Variants in NLGN1 observed in about 807,000 individuals in gnomAD.
The protein encoded by NLGN1 is neuroligin-1.
NLGN1 carries 12 observed loss-of-function variants against 65.5 expected under a neutral mutation model. That is an observed-to-expected ratio of 0.18 (90% CI 0.12 to 0.30). The LOEUF is 0.30. Among genes scored for constraint, NLGN1 ranks in the 10% least tolerant of loss-of-function variants. The pLI, the probability that NLGN1 is intolerant of heterozygous loss-of-function variation, is 1.00. For missense variants in NLGN1, 750 were observed against 1,007.1 expected, an observed-to-expected ratio of 0.74 and a Z score of 3.46; for synonymous variants, 350 against 359.5, an observed-to-expected ratio of 0.97 and a Z score of 0.30.
chr3:174,054,794 T>C (rs971536303), intron 4 of NLGN1, among the ~76,000 whole-genome samples: 1 of 152,158 alleles, frequency 6.6e-6, no homozygotes, highest in Admixed American at 6.6e-5. Flanking sequence ...TAAGCACTTA[T>C]TCGCAATGTC....
intron 4 of NLGN1, among the ~76,000 whole-genome samples, chr3:173,832,865 C>T (rs534131807): frequency 2.0e-5 from 3 of 151,950 alleles, no homozygotes; most frequent in African/African-American, 7.2e-5. Flanking sequence ...TTATTTCTAT[C>T]CAAAAATTTC....
intron 2 of NLGN1, among the ~76,000 whole-genome samples, chr3:173,555,836 A>G (rs1741623003): frequency 6.6e-6 from 1 of 152,200 alleles, no homozygotes; most frequent in Admixed American, 6.5e-5. Context: ...GAAGCGTTCT[A>G]TACTCTTATG....
chr3:174,236,282 T>C (rs1041999347), intron 4 of NLGN1, among the ~76,000 whole-genome samples: 3 of 152,138 alleles, frequency 2.0e-5, no homozygotes, highest in Non-Finnish European at 2.9e-5. Flanking sequence ...ATTCAAATGA[T>C]GAAATCCAAA....
At chr3:173,883,165 G>T (rs1005441224) in intron 4 of NLGN1, among the ~76,000 whole-genome samples, 1 of 150,852 alleles carries the variant, frequency 6.6e-6, no homozygotes, top group African/African-American at 2.4e-5. Flanking sequence ...TCTAGGTTTT[G>T]ATTAAAGTGA....
At chr3:174,250,744 A>T (rs773097237) in intron 4 of NLGN1, among the ~76,000 whole-genome samples, 1 of 151,906 alleles carries the variant, frequency 6.6e-6, no homozygotes, top group Non-Finnish European at 1.5e-5. Flanking sequence ...CAATTTAAAA[A>T]CTATGGCCCA....
At position 174,279,206 on chromosome 3, in the gene NLGN1, G is replaced by A. The variant is rs76946997; in HGVS notation, c.1205G>A (p.Ser402Asn). The A allele has an allele frequency of 4.3e-4, 698 of 1,613,194 alleles. No individual in the cohort carries two copies. The highest frequency in any genetic ancestry group is 5.6e-4 in the Non-Finnish European group (666 of 1,179,570). Residue 402 changes from serine (S) to asparagine (N), a missense_variant, in exon 6 of 7, where the codon AGC becomes AAC. Ser to Asn is a conservative substitution (Grantham distance 46). Transcript: ENST00000457714. This position sits in a 1 kb window ranked among gnomAD's most constrained non-coding sequence, Gnocchi z 4.7. ...AAATTTGTTGAAAATATAGTAGATA[G>A]CGATGATGGTATATCAGCTAGTGAT... is the stretch of plus-strand genomic sequence containing the variant.
intron 4 of NLGN1, among the ~76,000 whole-genome samples, chr3:174,005,597 G>A (rs1381079407): frequency 6.6e-6 from 1 of 152,034 alleles, no homozygotes; most frequent in Non-Finnish European, 1.5e-5. Flanking sequence ...CTGCATCTGT[G>A]CTGATCTCAG....
At chr3:173,533,113 G>GTAA (rs1736865791) in intron 2 of NLGN1, among the ~76,000 whole-genome samples, 1 of 152,074 alleles carries the variant, frequency 6.6e-6, no homozygotes, top group Non-Finnish European at 1.5e-5. Flanking sequence ...TAGCATAATG[G>GTAA]TAATTATTAG....
intron 4 of NLGN1, among the ~76,000 whole-genome samples, chr3:174,247,834 C>T (rs1284693447): frequency 6.6e-6 from 1 of 152,212 alleles, no homozygotes; most frequent in Non-Finnish European, 1.5e-5. Flanking sequence ...TGCTTTGCTC[C>T]AATGTCTGAC....
At chr3:173,677,146 AC>A (rs140460951) in intron 3 of NLGN1, among the ~76,000 whole-genome samples, 2,466 of 152,126 alleles carry the variant, frequency 0.016, 79 homozygotes, top group African/African-American at 0.057. Flanking sequence ...GGTAAGCTAT[AC>A]AGATACCTTG....
In NLGN1 at chr3:174,273,951, TTTG is replaced by T. The variant is rs1198815578; in HGVS notation, c.647-1361_647-1359del. 3.4e-4 allele frequency among the ~76,000 whole-genome samples: 51 copies of T among 151,862 alleles called. No homozygotes were observed. The Middle Eastern group carries it at 0.01, about 31-fold the overall frequency. On this transcript the variant is annotated intron_variant, in intron 4 of 6. Coordinates refer to ENST00000457714, the Ensembl canonical transcript of NLGN1. ...ACCTGATAGGTAGTGTTATCATGGT[TTTG>T]TTTTCATAAATGTAATCGATGTCCT... is the stretch of plus-strand genomic sequence containing the variant.
intron 3 of NLGN1, among the ~76,000 whole-genome samples, chr3:173,765,875 C>T (rs554111778): frequency 6.6e-6 from 1 of 152,276 alleles, no homozygotes; most frequent in African/African-American, 2.4e-5. Context: ...TTCATCATCT[C>T]TTTCTGTCAT....
chr3:174,276,611 A>AACAC (rs762763152), intron 5 of NLGN1, among the ~76,000 whole-genome samples: 9 of 151,874 alleles, frequency 5.9e-5, no homozygotes, highest in South Asian at 2.1e-4. Flanking sequence ...CAGTATCAAA[A>AACAC]ACACATGAAT....
At chr3:174,076,355 A>G (rs1241872369) in intron 4 of NLGN1, among the ~76,000 whole-genome samples, 2 of 152,242 alleles carry the variant, frequency 1.3e-5, no homozygotes, top group Non-Finnish European at 2.9e-5. Flanking sequence ...TTATTGGTTT[A>G]GCCGTTTGAA....
intron 4 of NLGN1, among the ~76,000 whole-genome samples, chr3:173,942,221 A>G (rs534040980): frequency 1.3e-5 from 2 of 152,002 alleles, no homozygotes; most frequent in African/African-American, 4.8e-5. Context: ...ATAGTGAAGC[A>G]CTGCCTATAT....
In NLGN1 at chr3:173,484,591, G is replaced by A. The variant is rs116274040; in HGVS notation, c.-321+49513G>A. Among the ~76,000 whole-genome samples the A allele has an allele frequency of 5.1e-3, 773 of 152,150 alleles. 5 individuals are homozygous for A. The highest frequency in any genetic ancestry group is 0.017 in the African/African-American group (726 of 41,510). On this transcript the variant is annotated intron_variant, in intron 2 of 6. Coordinates refer to ENST00000457714, the Ensembl canonical transcript of NLGN1. Reference sequence around the variant, plus strand: ...TATTCATATTAAAAGTCTCCTTCAAGTCAATAAGAAATAAACTCTAAAAGG... The same window carrying A: ...TATTCATATTAAAAGTCTCCTTCAAATCAATAAGAAATAAACTCTAAAAGG...
At chr3:174,144,707 A>G (rs1232811757) in intron 4 of NLGN1, among the ~76,000 whole-genome samples, 8 of 152,228 alleles carry the variant, frequency 5.3e-5, no homozygotes, top group African/African-American at 1.9e-4. Context: ...GGCCACATAA[A>G]TATCTTCTTT....
intron 2 of NLGN1, among the ~76,000 whole-genome samples, chr3:173,546,045 TAACA>T (rs1318991979): frequency 6.6e-6 from 1 of 152,148 alleles, no homozygotes; most frequent in African/African-American, 2.4e-5. Flanking sequence ...TATACCTATG[TAACA>T]AACCTCCACG....
At chr3:174,112,999 C>G (rs780680068) in intron 4 of NLGN1, among the ~76,000 whole-genome samples, 2 of 151,698 alleles carry the variant, frequency 1.3e-5, no homozygotes, top group Non-Finnish European at 2.9e-5. Flanking sequence ...TATATAAACA[C>G]ATATACATAG....
Sources: allele counts gnomAD v4.1 joint callset (sites outside exome capture counted in the v4.1 genomes callset), GRCh38; gene constraint gnomAD v4.1.1; non-coding constraint Gnocchi (gnomAD v3.1); transcripts MANE v1.5; gene names NCBI Gene and HGNC (gene_info 2026-07-23, HGNC 2026-07-21).